The following BCAS3 variants were observed in gnomAD, a reference collection of about 807,000 sequenced individuals.
The protein encoded by BCAS3 is BCAS3 microtubule associated cell migration factor.
Under a neutral mutation model 116.1 loss-of-function variants are expected in BCAS3, and 53 were observed. The observed-to-expected ratio is 0.46, with a 90% CI of 0.37 to 0.57. The LOEUF is 0.57. Ranked by LOEUF, BCAS3 falls within the 20% of genes least tolerant of loss-of-function variation. BCAS3 has a pLI of 0.00. For synonymous variants in BCAS3, 391 were observed against 408.2 expected (o/e 0.96, Z 0.51); for missense variants, 917 against 1,165.4 (o/e 0.79, Z 3.10).
intron 22 of BCAS3, among the ~76,000 whole-genome samples, chr17:61,091,063 A>T (rs1040025582): frequency 6.6e-6 from 1 of 152,226 alleles, no homozygotes; most frequent in Non-Finnish European, 1.5e-5. Context: ...CCATTTGAAG[A>T]TGAAGAAACA....
chr17:60,993,296 C>T lies in BCAS3; in HGVS notation c.1486+3061C>T, dbSNP rs1387080128. Among the ~76,000 whole-genome samples, 2 of 152,134 alleles carry T rather than the reference C, an allele frequency of 1.3e-5. No individual in the cohort carries two copies. Among genetic ancestry groups the T allele is most frequent in the South Asian group, 4.1e-4 (2 of 4,834 alleles). On this transcript the variant is annotated intron_variant, in intron 15 of 23. Coordinates refer to ENST00000407086, the MANE Select transcript of BCAS3 (RefSeq NM_017679.5). This position sits in a 1 kb window ranked among gnomAD's most constrained non-coding sequence, Gnocchi z 4.2. ...TTGTGAAAGGACAGTAGTTAAAGAG[C>T]AATACTACTAGATTTCCAAGTCAAA...
Position 61,139,987 on chromosome 17 carries a change from G to T in BCAS3, c.2425+55423G>T, listed in dbSNP as rs1440306140. On this transcript the variant is annotated intron_variant, in intron 22 of 23. Coordinates refer to ENST00000407086, the MANE Select transcript of BCAS3 (RefSeq NM_017679.5). This position sits in a 1 kb window ranked among gnomAD's most constrained non-coding sequence, Gnocchi z 4.7. The stretch of plus-strand genomic sequence containing the variant: ...ACAGTGGCTCACGCCTGTAATCCCA[G>T]CACTTTGGGAGGCCGAGGTGGATAG... Among the ~76,000 whole-genome samples the T allele has an allele frequency of 6.6e-6, 1 of 152,186 alleles. No individual in the cohort carries two copies. Among genetic ancestry groups the T allele is most frequent in the Admixed American group, 6.5e-5 (1 of 15,276 alleles).
rs561433283 is a variant in BCAS3 at position 61,028,316 on chromosome 17, A to C, written c.1638-6350A>C. On this transcript the variant is annotated intron_variant, in intron 16 of 23. Transcript: ENST00000407086. This position sits in a 1 kb window ranked among gnomAD's most constrained non-coding sequence, Gnocchi z 4.3. Reference sequence around the variant, plus strand: ...TAGACACAGTTTGCAAAACTATTCTAAACAAATTCAGGATATACAAGAATA... The same window carrying C: ...TAGACACAGTTTGCAAAACTATTCTCAACAAATTCAGGATATACAAGAATA... Among the ~76,000 whole-genome samples, 20 of 152,018 alleles carry C rather than the reference A, an allele frequency of 1.3e-4. No homozygotes were observed. Among genetic ancestry groups the C allele is most frequent in the African/African-American group, 4.3e-4 (18 of 41,554 alleles).
chr17:61,167,543 G>T (rs1282035301), intron 22 of BCAS3, among the ~76,000 whole-genome samples: 1 of 152,220 alleles, frequency 6.6e-6, no homozygotes, highest in African/African-American at 2.4e-5. Flanking sequence ...TCTAGCAGAT[G>T]TCTGTGAAAC....
In BCAS3 at chr17:61,286,581, C is replaced by G. The variant is rs548933503; in HGVS notation, c.2426-81746C>G. ...ACATGTCAGAATAGGGATTTTCACA[C>G]CAGCAGAGAGTGCTAACAGTGTGCC... is the stretch of plus-strand genomic sequence containing the variant. On this transcript the variant is annotated intron_variant, in intron 22 of 23. Transcript: ENST00000407086. The surrounding 1 kb of genome is among the most constrained non-coding windows in gnomAD (Gnocchi z 4.8). Among the ~76,000 whole-genome samples the G allele has an allele frequency of 6.6e-6, 1 of 152,248 alleles. No individual in the cohort carries two copies. The highest frequency in any genetic ancestry group is 1.9e-4 in the East Asian group (1 of 5,166).
At chr17:61,270,076 A>G in intron 22 of BCAS3, among the ~76,000 whole-genome samples, 1 of 139,516 alleles carries the variant, frequency 7.2e-6, no homozygotes, top group African/African-American at 2.7e-5. Flanking sequence ...AAGTGCTGGG[A>G]TTACAGGAGT....
At position 60,930,827 on chromosome 17, in the gene BCAS3, A is replaced by T. The variant is rs569724165; in HGVS notation, c.1087+6327A>T. ...TTATAAACATGTCCTGGACAACAAA[A>T]TCCAAGAACAAACCAGGCCCATAGC... On this transcript the variant is annotated intron_variant, in intron 13 of 23. Transcript: ENST00000407086. 3.3e-4 allele frequency among the ~76,000 whole-genome samples: 50 copies of T among 152,178 alleles called. No individual in the cohort carries two copies. The East Asian group carries it at 8.9e-3, about 27-fold the overall frequency.
intron 5 of BCAS3, among the ~76,000 whole-genome samples, chr17:60,735,314 T>G (rs1345527831): frequency 6.7e-6 from 1 of 149,642 alleles, no homozygotes; most frequent in African/African-American, 2.6e-5. Context: ...TATTTCCTTT[T>G]CTTGTCTTAC....
intron 4 of BCAS3, among the ~76,000 whole-genome samples, chr17:60,700,902 A>G (rs1228478966): frequency 6.6e-6 from 1 of 152,162 alleles, no homozygotes; most frequent in Non-Finnish European, 1.5e-5. Flanking sequence ...TGTTAGATGA[A>G]AAATAATGAC....
intron 22 of BCAS3, among the ~76,000 whole-genome samples, chr17:61,273,377 A>C (rs533626066): frequency 6.6e-6 from 1 of 152,252 alleles, no homozygotes; most frequent in African/African-American, 2.4e-5. Flanking sequence ...CATTTAAAAA[A>C]TACCATTTTT....
rs1477821681 is a variant in BCAS3 at position 61,171,061 on chromosome 17, G to T, written c.2425+86497G>T. Among the ~76,000 whole-genome samples the T allele has an allele frequency of 1.3e-5, 2 of 152,180 alleles. No homozygotes were observed. Among genetic ancestry groups the T allele is most frequent in the South Asian group, 4.2e-4 (2 of 4,816 alleles). The stretch of plus-strand genomic sequence containing the variant: ...GATACAAGATTTTTGTGTCAAAAGT[G>T]GGGCAAAATTTCCTCTAAATTCCTG... On this transcript the variant is annotated intron_variant, in intron 22 of 23. Coordinates refer to ENST00000407086, the MANE Select transcript of BCAS3 (RefSeq NM_017679.5). This position sits in a 1 kb window ranked among gnomAD's most constrained non-coding sequence, Gnocchi z 4.1.
In BCAS3 at chr17:61,037,561, C is replaced by T. The variant is rs758304550; in HGVS notation, c.1763-328C>T. 1.3e-5 allele frequency among the ~76,000 whole-genome samples: 2 copies of T among 152,110 alleles called. No individual in the cohort carries two copies. Among genetic ancestry groups the T allele is most frequent in the Non-Finnish European group, 2.9e-5 (2 of 68,022 alleles). ...CTAAGGTGCACAGATCACCTGAGGT[C>T]AGGAGTTCGAGACCAGCCTGACCAA... On this transcript the variant is annotated intron_variant, in intron 17 of 23. Transcript: ENST00000407086. The surrounding 1 kb of genome is among the most constrained non-coding windows in gnomAD (Gnocchi z 4.7).
At chr17:61,236,055 T>C (rs1453874515) in intron 22 of BCAS3, among the ~76,000 whole-genome samples, 1 of 152,210 alleles carries the variant, frequency 6.6e-6, no homozygotes, top group East Asian at 1.9e-4. Context: ...TGCAGCTGGA[T>C]CTTCGTTTGT....
chr17:61,011,848 T>A (rs181444082), intron 15 of BCAS3, among the ~76,000 whole-genome samples: 9 of 152,198 alleles, frequency 5.9e-5, no homozygotes, highest in African/African-American at 2.2e-4. Context: ...GGCTGTCTTG[T>A]GTAGTTATTG....
At chr17:60,724,034 C>A (rs1326032183) in intron 5 of BCAS3, among the ~76,000 whole-genome samples, 1 of 151,522 alleles carries the variant, frequency 6.6e-6, no homozygotes, top group Non-Finnish European at 1.5e-5. Context: ...TTTTCACTTT[C>A]TTAAAATTTT....
chr17:60,758,163 A>C (rs12945453), intron 6 of BCAS3, among the ~76,000 whole-genome samples: 109,936 of 151,666 alleles, frequency 0.72, 45,540 homozygotes, highest in South Asian at 0.98. Context: ...ATAGCCTTGT[A>C]ATATATTTTA....
At position 61,020,456 on chromosome 17, in the gene BCAS3, GGAGGTAAAA is replaced by G. The variant is rs1445560893; in HGVS notation, c.1637+4558_1637+4566del. Among the ~76,000 whole-genome samples, 1 of 152,146 alleles carries G rather than the reference GGAGGTAAAA, an allele frequency of 6.6e-6. No individual in the cohort carries two copies. The highest frequency in any genetic ancestry group is 2.4e-5 in the African/African-American group (1 of 41,434). ...TAACTCTGTGACAGTATACATTGAT[GGAGGTAAAA>G]GAAGTGTTAGACATTATTTGGCTCC... is the stretch of plus-strand genomic sequence containing the variant. On this transcript the variant is annotated intron_variant, in intron 16 of 23. Coordinates refer to ENST00000407086, the MANE Select transcript of BCAS3 (RefSeq NM_017679.5). This position sits in a 1 kb window ranked among gnomAD's most constrained non-coding sequence, Gnocchi z 4.5.
chr17:60,974,727 A>C (rs1307097955), intron 14 of BCAS3, among the ~76,000 whole-genome samples: 21 of 152,202 alleles, frequency 1.4e-4, no homozygotes, highest in Admixed American at 1.4e-3. Context: ...CCTAACATAA[A>C]TTTGCAAAAC....
rs936033035 is a variant in BCAS3 at position 61,278,917 on chromosome 17, T to G, written c.2426-89410T>G. On this transcript the variant is annotated intron_variant, in intron 22 of 23. Transcript: ENST00000407086. This position sits in a 1 kb window ranked among gnomAD's most constrained non-coding sequence, Gnocchi z 5.8. ...TAGATTGTGGTGATGGTTGCACAAT[T>G]CTGTGAATACACTAAAAGCCATTGA... 6.6e-6 allele frequency among the ~76,000 whole-genome samples: 1 copy of G among 152,058 alleles called. No homozygotes were observed. The highest frequency in any genetic ancestry group is 1.5e-5 in the Non-Finnish European group (1 of 68,010).
Sources: allele counts gnomAD v4.1 joint callset (sites outside exome capture counted in the v4.1 genomes callset), GRCh38; gene constraint gnomAD v4.1.1; non-coding constraint Gnocchi (gnomAD v3.1); transcripts MANE v1.5; gene names NCBI Gene and HGNC (gene_info 2026-07-23, HGNC 2026-07-21).